DIP2A: variants seen among roughly 807,000 people sequenced by gnomAD.
DIP2A encodes DIP2 acetate--CoA ligase A.
Under a neutral mutation model 177.4 loss-of-function variants are expected in DIP2A, and 85 were observed. The ratio of observed to expected loss-of-function variants is 0.48; its 90% CI spans 0.40 to 0.57. The LOEUF (loss-of-function observed/expected upper bound fraction) is 0.57, where lower values mean the gene tolerates loss of function less well. Among genes scored for constraint, DIP2A ranks in the 20% least tolerant of loss-of-function variants. DIP2A has a pLI of 0.00. For synonymous variants in DIP2A, 886 were observed against 881.8 expected (o/e 1.00, Z -0.08); for missense variants, 1,791 against 2,100.2 (o/e 0.85, Z 2.88).
intron 8 of DIP2A, among the ~76,000 whole-genome samples, chr21:46,528,651 C>G (rs759094440): frequency 6.8e-6 from 1 of 147,322 alleles, no homozygotes; most frequent in African/African-American, 2.5e-5. Context: ...TTCAGCCTCC[C>G]GAGCAGCTGG....
In DIP2A at chr21:46,459,072, G is replaced by A. The variant is rs114484890; in HGVS notation, c.-60G>A. On this transcript the variant is annotated 5_prime_UTR_variant, in exon 1 of 38. Coordinates refer to ENST00000417564, the MANE Select transcript of DIP2A (RefSeq NM_015151.4). Reference sequence around the variant, plus strand: ...GGGGAGCTACGTAGCCGAGGTTTGCGCTGCCGCCGCCAGGCCCGGTCCGGT... The same window carrying A: ...GGGGAGCTACGTAGCCGAGGTTTGCACTGCCGCCGCCAGGCCCGGTCCGGT... The A allele has an allele frequency of 9.4e-3, 12,772 of 1,353,234 alleles. 884 individuals carry two copies. In the African/African-American group the frequency reaches 0.16, roughly 17 times the overall value. 83.8% of individuals were successfully genotyped at this position (1,353,234 alleles called of 1,614,324 possible). A position where few individuals can be genotyped will look rare whatever the true frequency, so the allele number is the denominator to read the frequency against.
At chr21:46,558,715 G>A (rs1319960961) in intron 32 of DIP2A, 1 of 329,638 alleles carries the variant, frequency 3.0e-6, no homozygotes, top group East Asian at 8.1e-5. Context: ...AAGATATCTA[G>A]CAATATTAAA....
At chr21:46,566,159 GTC>G (rs1389561775) in intron 36 of DIP2A, among the ~76,000 whole-genome samples, 1 of 152,174 alleles carries the variant, frequency 6.6e-6, no homozygotes, top group Non-Finnish European at 1.5e-5. Flanking sequence ...GGCCAGACCG[GTC>G]TCTCTGCCGC....
chr21:46,581,888 AC>A, the DIP2A span, among the ~76,000 whole-genome samples: 2 of 151,894 alleles, frequency 1.3e-5, no homozygotes, highest in Admixed American at 1.3e-4. Context: ...ATTCCTGACA[AC>A]CCATGTTGGG....
chr21:46,582,352 T>C, the DIP2A span, among the ~76,000 whole-genome samples: 1 of 152,242 alleles, frequency 6.6e-6, no homozygotes, highest in Non-Finnish European at 1.5e-5. Context: ...TCCCCCTAGG[T>C]ACTCAGTTGT....
intron 33 of DIP2A, chr21:46,561,191 T>C (rs1459107503): frequency 9.3e-6 from 3 of 322,676 alleles, no homozygotes; most frequent in African/African-American, 2.2e-5. Flanking sequence ...TCTTACCCGA[T>C]GACCCATGTG....
At chr21:46,512,444 T>C (rs1241089640) in intron 8 of DIP2A, among the ~76,000 whole-genome samples, 1 of 152,216 alleles carries the variant, frequency 6.6e-6, no homozygotes, top group Non-Finnish European at 1.5e-5. Flanking sequence ...TTATCTCTTT[T>C]CTCACCAGCT....
At chr21:46,465,057 G>T (rs1212063825) in intron 1 of DIP2A, among the ~76,000 whole-genome samples, 1 of 151,804 alleles carries the variant, frequency 6.6e-6, no homozygotes, top group Non-Finnish European at 1.5e-5. Flanking sequence ...TTATAATATA[G>T]AATAAATTGC....
chr21:46,577,247 GGTTTTT>G, the DIP2A span, among the ~76,000 whole-genome samples: 2 of 152,022 alleles, frequency 1.3e-5, no homozygotes, highest in Admixed American at 1.3e-4. Flanking sequence ...TTTCTTCTAG[GGTTTTT>G]ATAGTTTGGG....
chr21:46,513,182 T>C (rs1346194838), intron 8 of DIP2A, among the ~76,000 whole-genome samples: 2 of 152,182 alleles, frequency 1.3e-5, no homozygotes, highest in East Asian at 3.8e-4. Context: ...CACAAAGATA[T>C]TTTCCTGCAT....
intron 17 of DIP2A, 29 bp from the exon 18 acceptor site, chr21:46,541,727 G>A (rs370722673): frequency 6.2e-7 from 1 of 1,613,480 alleles, no homozygotes; most frequent in South Asian, 1.1e-5. Context: ...CCCCTCGTCA[G>A]TTAAACCCAT....
intron 7 of DIP2A, among the ~76,000 whole-genome samples, chr21:46,510,037 GAACT>G (rs1412528828): frequency 2.0e-5 from 3 of 152,174 alleles, no homozygotes; most frequent in Admixed American, 2.0e-4. Flanking sequence ...TAGAGGGACG[GAACT>G]AATAGGATAG....
Position 46,567,759 on chromosome 21 carries a change from C to A in DIP2A, c.*137C>A. 9.6e-7 allele frequency: 1 copy of A among 1,040,908 alleles called. No individual in the cohort carries two copies. The highest frequency in any genetic ancestry group is 1.6e-5 in the African/African-American group (1 of 61,882). 64.5% of individuals were successfully genotyped at this position (1,040,908 alleles called of 1,614,324 possible). On this transcript the variant is annotated 3_prime_UTR_variant, in exon 38 of 38. Transcript: ENST00000417564. ...TACAGATCCCTCTCAACAATCCCCG[C>A]ATCTCCTTTTAGAAAGCACTTCCTG...
At chr21:46,491,876 C>T (rs1025194698) in intron 3 of DIP2A, among the ~76,000 whole-genome samples, 1 of 152,200 alleles carries the variant, frequency 6.6e-6, no homozygotes, top group African/African-American at 2.4e-5. Flanking sequence ...CTTTTGAATA[C>T]AGGTCTTTTA....
intron 3 of DIP2A, among the ~76,000 whole-genome samples, chr21:46,496,475 G>T (rs2057368317): frequency 6.6e-6 from 1 of 152,184 alleles, no homozygotes; most frequent in Non-Finnish European, 1.5e-5. Context: ...AACCAGGGGT[G>T]TCCAATCTTT....
intron 17 of DIP2A, among the ~76,000 whole-genome samples, chr21:46,540,309 C>A (rs1304045763): frequency 6.6e-6 from 1 of 152,202 alleles, no homozygotes; most frequent in Non-Finnish European, 1.5e-5. Flanking sequence ...TACTCTGAGG[C>A]AGGTGTCGGT....
chr21:46,489,382 A>C (rs1388755730), intron 2 of DIP2A, among the ~76,000 whole-genome samples: 3 of 152,196 alleles, frequency 2.0e-5, no homozygotes, highest in Non-Finnish European at 4.4e-5. Flanking sequence ...AGGGCTCCTC[A>C]GTCACAGCTG....
In DIP2A at chr21:46,534,699, C is replaced by T. The variant is rs543189133; in HGVS notation, c.1642+12C>T. The T allele has an allele frequency of 7.5e-6, 12 of 1,601,740 alleles. No individual in the cohort carries two copies. Among genetic ancestry groups the T allele is most frequent in the East Asian group, 2.2e-5 (1 of 44,804 alleles). The stretch of plus-strand genomic sequence containing the variant: ...CGGGTACTCAGAAGGTAAGGGCTCT[C>T]GGGGGTGGGGCGGTGGCCCCTCCAG... On this transcript the variant is annotated intron_variant, in intron 13 of 37. Coordinates refer to ENST00000417564, the MANE Select transcript of DIP2A (RefSeq NM_015151.4).
intron 7 of DIP2A, among the ~76,000 whole-genome samples, chr21:46,510,627 C>CTT (rs3060304): frequency 1.9e-5 from 2 of 105,684 alleles, no homozygotes; most frequent in South Asian, 3.3e-4. Flanking sequence ...ATCAAATAAT[C>CTT]TTTTTTTTTT....
Sources: allele counts gnomAD v4.1 joint callset (sites outside exome capture counted in the v4.1 genomes callset), GRCh38; gene constraint gnomAD v4.1.1; transcripts MANE v1.5; gene names NCBI Gene and HGNC (gene_info 2026-07-23, HGNC 2026-07-21).